The following SVIL variants were observed in gnomAD, a reference collection of about 807,000 sequenced individuals.
The protein encoded by SVIL is archvillin.
In SVIL, 101 loss-of-function variants were observed where a neutral mutation model predicts 240.4. That is an observed-to-expected ratio of 0.42 (90% CI 0.36 to 0.50). SVIL has a LOEUF of 0.50. SVIL is among the 20% of genes least tolerant of loss of function. The pLI, the probability that SVIL is intolerant of heterozygous loss-of-function variation, is 0.01. For synonymous variants in SVIL, 999 were observed against 1,100.0 expected (o/e 0.91, Z 1.82); for missense variants, 2,512 against 2,818.7 (o/e 0.89, Z 2.46).
rs559001312 is a variant in SVIL, at chr10:29,488,644, G to A, written c.4305C>T (p.Asn1435=). The part of the protein sequence containing the change: ...SVNLTEQNSN[N]SAVPYKRLML... The stretch of plus-strand genomic sequence containing the variant: ...TCAGCCTCTTGTAGGGCACGGCGCT[G>A]TTGTTAGAGTTCTGTTCCGTCAGGT... The change falls in exon 23 of 38, where the codon AAC becomes AAT. Residue 1435 remains asparagine, a synonymous_variant. Coordinates refer to ENST00000355867, the MANE Select transcript of SVIL (RefSeq NM_021738.3). 6.2e-7 allele frequency: 1 copy of A among 1,612,570 alleles called. No individual in the cohort carries two copies. Among genetic ancestry groups the A allele is most frequent in the East Asian group, 2.2e-5 (1 of 44,826 alleles).
At chr10:29,713,561 T>C (rs1397790514) in intron 1 of SVIL, among the ~76,000 whole-genome samples, 1 of 152,100 alleles carries the variant, frequency 6.6e-6, no homozygotes, top group Non-Finnish European at 1.5e-5. Context: ...AACCAGATGG[T>C]AAATATATTT....
At chr10:29,550,442 C>T in intron 6 of SVIL, among the ~76,000 whole-genome samples, 155 bp downstream of exon 6, 1 of 116,526 alleles carries the variant, frequency 8.6e-6, no homozygotes, top group Admixed American at 8.6e-5. Context: ...ACCCTGTCTT[C>T]AGAAAAAAAA....
chr10:29,687,423 G>A (rs1028193466), intron 1 of SVIL, among the ~76,000 whole-genome samples: 1 of 152,216 alleles, frequency 6.6e-6, no homozygotes, highest in Non-Finnish European at 1.5e-5. Flanking sequence ...CAGGTGAGGT[G>A]GTTCATGCCT....
At position 29,470,299 on chromosome 10, in the gene SVIL, G is replaced by A. The variant is rs756594060; in HGVS notation, c.5820C>T (p.Thr1940=). 3.7e-6 allele frequency: 6 copies of A among 1,614,192 alleles called. No individual in the cohort carries two copies. The Admixed American group carries it at 6.7e-5, about 18-fold the overall frequency. The stretch of plus-strand genomic sequence containing the variant: ...ACTGTTCCTTGATCTTGTTCGCAGC[G>A]GTCCTTCCGACCTCCTTCGTGTGGG... ...AQAHTKEVGR[T]AANKIKEQCP... is the part of the protein sequence containing the mutation. The change falls in exon 32 of 38, where the codon ACC becomes ACT. Residue 1940 remains threonine (T), a synonymous_variant. Coordinates refer to ENST00000355867, the MANE Select transcript of SVIL (RefSeq NM_021738.3).
rs529420170 is a variant in SVIL at position 29,560,006 on chromosome 10, A to G, written c.-51+3195T>C. Among the ~76,000 whole-genome samples, 31 of 152,338 alleles carry G rather than the reference A, an allele frequency of 2.0e-4. No individual in the cohort carries two copies. The South Asian group carries it at 4.8e-3, about 23-fold the overall frequency. On this transcript the variant is annotated intron_variant, in intron 3 of 37. Coordinates refer to ENST00000355867, the MANE Select transcript of SVIL (RefSeq NM_021738.3). ...TTCTGGTTAAGACATTGTTGAGTTC[A>G]GTCCTCCAAACTTGAGTACAGTAGA... is the stretch of plus-strand genomic sequence containing the variant.
intron 3 of SVIL, among the ~76,000 whole-genome samples, chr10:29,648,940 C>A (rs1958751690): frequency 1.3e-5 from 2 of 152,068 alleles, no homozygotes; most frequent in Admixed American, 1.3e-4. Flanking sequence ...GAGTTTGAGA[C>A]CAGCCTGGAC....
At chr10:29,733,868 C>G (rs1008723208) in intron 1 of SVIL, among the ~76,000 whole-genome samples, 1 of 152,238 alleles carries the variant, frequency 6.6e-6, no homozygotes, top group African/African-American at 2.4e-5. Flanking sequence ...ATTTTGTAAA[C>G]TTGAGCTCAA....
intron 16 of SVIL, among the ~76,000 whole-genome samples, chr10:29,514,356 C>T (rs1250842269): frequency 6.6e-6 from 1 of 152,164 alleles, no homozygotes; most frequent in Non-Finnish European, 1.5e-5. Flanking sequence ...CCTGCCTCGG[C>T]CTCCAGAGTA....
At position 29,721,525 on chromosome 10, in the gene SVIL, G is replaced by A. The variant is rs1469010230; in HGVS notation, c.-400+14226C>T. On this transcript the variant is annotated intron_variant, in intron 1 of 35. Transcript: ENST00000375400. The stretch of plus-strand genomic sequence containing the variant: ...AAAAGGATGGAAAAAGTTATACTAT[G>A]CTAACACCAATCCAAAAAAAAAAAA... 2.4e-5 allele frequency among the ~76,000 whole-genome samples: 3 copies of A among 125,504 alleles called. No homozygotes were observed. The East Asian group carries it at 7.2e-4, about 30-fold the overall frequency. The allele number at this position is 125,504 out of a possible 152,430, so 82.3% of individuals were successfully genotyped here.
intron 1 of SVIL, among the ~76,000 whole-genome samples, chr10:29,579,680 G>A (rs182829970): frequency 2.0e-5 from 3 of 152,234 alleles, no homozygotes; most frequent in Admixed American, 6.5e-5. Context: ...GGAGTCAGAC[G>A]CTGTCACTTG....
chr10:29,604,677 G>A lies in SVIL; in HGVS notation c.-201+29743C>T, dbSNP rs142755978. ...TCTCCTGCTCTCAAGTGATCCTCCCGCCTTGACATCTGAAGTAGCTAGGTC... is the reference window on the plus strand; with the variant it reads ...TCTCCTGCTCTCAAGTGATCCTCCCACCTTGACATCTGAAGTAGCTAGGTC... On this transcript the variant is annotated intron_variant, in intron 1 of 37. Transcript: ENST00000355867. 5.5e-3 allele frequency among the ~76,000 whole-genome samples: 836 copies of A among 151,880 alleles called. 3 individuals are homozygous for A. The highest frequency in any genetic ancestry group is 0.01 in the Middle Eastern group (3 of 294).
At chr10:29,598,198 G>A (rs913036655) in intron 1 of SVIL, among the ~76,000 whole-genome samples, 1 of 152,168 alleles carries the variant, frequency 6.6e-6, no homozygotes, top group Admixed American at 6.5e-5. Context: ...CTAGAAGGTA[G>A]AATGGTGATT....
At chr10:29,619,177 C>T (rs1178370963) in intron 1 of SVIL, among the ~76,000 whole-genome samples, 1 of 152,130 alleles carries the variant, frequency 6.6e-6, no homozygotes, top group Non-Finnish European at 1.5e-5. Context: ...ATTGTATTCC[C>T]CCAGTCATCC....
At chr10:29,713,262 CTGTGTG>C (rs10647219) in intron 1 of SVIL, among the ~76,000 whole-genome samples, 25 of 148,572 alleles carry the variant, frequency 1.7e-4, no homozygotes, top group African/African-American at 5.7e-4. Flanking sequence ...GTACATGCCT[CTGTGTG>C]TGTGTGTGTG....
At chr10:29,598,469 A>T (rs1464862924) in intron 1 of SVIL, among the ~76,000 whole-genome samples, 1 of 152,186 alleles carries the variant, frequency 6.6e-6, no homozygotes, top group Non-Finnish European at 1.5e-5. Flanking sequence ...GTGGGTTCTG[A>T]ACCTGTGGGT....
At chr10:29,524,435 AC>A in intron 14 of SVIL, 36 bp downstream of exon 14, 1 of 1,610,548 alleles carries the variant, frequency 6.2e-7, no homozygotes, top group Non-Finnish European at 8.5e-7. Flanking sequence ...TTAAGAACAC[AC>A]ACACACAAAC....
intron 1 of SVIL, among the ~76,000 whole-genome samples, chr10:29,576,585 C>G (rs542190820): frequency 6.6e-6 from 1 of 152,254 alleles, no homozygotes; most frequent in South Asian, 2.1e-4. Flanking sequence ...TTTTCTGTCA[C>G]CCAGGCTGAA....
intron 1 of SVIL, among the ~76,000 whole-genome samples, chr10:29,569,883 T>A (rs1338697075): frequency 6.6e-6 from 1 of 152,226 alleles, no homozygotes; most frequent in Non-Finnish European, 1.5e-5. Flanking sequence ...AGACAGCTGG[T>A]AACAATTCTA....
At chr10:29,626,065 G>A (rs1251455267) in intron 1 of SVIL, among the ~76,000 whole-genome samples, 2 of 152,138 alleles carry the variant, frequency 1.3e-5, no homozygotes. Context: ...GAAAGACATT[G>A]GTCAAAGGAT....
Sources: allele counts gnomAD v4.1 joint callset (sites outside exome capture counted in the v4.1 genomes callset), GRCh38; gene constraint gnomAD v4.1.1; transcripts MANE v1.5; gene names NCBI Gene and HGNC (gene_info 2026-07-23, HGNC 2026-07-21).